The following MAN1A2 variants were observed in gnomAD, a reference collection of about 807,000 sequenced individuals.
MAN1A2 encodes mannosidase alpha class 1A member 2, also known as mannosyl-oligosaccharide 1,2-alpha-mannosidase IB.
MAN1A2 carries 26 observed loss-of-function variants against 75.7 expected under a neutral mutation model. The observed-to-expected ratio is 0.34, with a 90% CI of 0.25 to 0.48. The LOEUF is 0.48. Among genes scored for constraint, MAN1A2 ranks in the 20% least tolerant of loss-of-function variants. MAN1A2 has a pLI of 0.99. For synonymous variants in MAN1A2, 247 were observed against 264.6 expected (o/e 0.93, Z 0.65); for missense variants, 562 against 775.5 (o/e 0.72, Z 3.27).
chr1:117,449,478 G>C (rs1195215385), intron 6 of MAN1A2, among the ~76,000 whole-genome samples: 1 of 151,298 alleles, frequency 6.6e-6, no homozygotes, highest in Non-Finnish European at 1.5e-5. Context: ...AGGATTGCTT[G>C]AGCCCAGGAA....
intron 8 of MAN1A2, among the ~76,000 whole-genome samples, chr1:117,480,071 C>A (rs1031113057): frequency 4.6e-5 from 7 of 151,900 alleles, no homozygotes; most frequent in Non-Finnish European, 7.4e-5. Flanking sequence ...AAGCACCAGG[C>A]AGTGTTCCCA....
chr1:117,432,851 C>T (rs1648715988), intron 5 of MAN1A2, among the ~76,000 whole-genome samples: 2 of 149,552 alleles, frequency 1.3e-5, no homozygotes, highest in African/African-American at 4.9e-5. Context: ...ACTATTAATA[C>T]TTGTAAAGCA....
intron 12 of MAN1A2, among the ~76,000 whole-genome samples, chr1:117,519,797 G>T (rs1366372075): frequency 6.6e-6 from 1 of 152,008 alleles, no homozygotes; most frequent in Non-Finnish European, 1.5e-5. Context: ...CCGCAAGACA[G>T]AGAAAGAAGT....
intron 5 of MAN1A2, among the ~76,000 whole-genome samples, chr1:117,441,144 G>A (rs1051240958): frequency 6.6e-6 from 1 of 152,166 alleles, no homozygotes; most frequent in African/African-American, 2.4e-5. Context: ...CTTAATGAGG[G>A]ACAGAGTGAA....
chr1:117,454,827 A>G (rs1649529375), intron 6 of MAN1A2, among the ~76,000 whole-genome samples: 2 of 152,174 alleles, frequency 1.3e-5, no homozygotes. Context: ...TAGTATGGAG[A>G]CGTGAAGCCC....
intron 11 of MAN1A2, among the ~76,000 whole-genome samples, chr1:117,502,324 C>T (rs1022905105): frequency 6.6e-6 from 1 of 151,608 alleles, no homozygotes; most frequent in East Asian, 1.9e-4. Context: ...GTTGGTACCA[C>T]CTGTAATGGC....
chr1:117,414,840 A>G lies in MAN1A2; in HGVS notation c.774+9A>G, dbSNP rs778246555. The G allele has an allele frequency of 3.0e-5, 44 of 1,451,928 alleles. No homozygotes were observed. In the Middle Eastern group the frequency reaches 8.7e-4, roughly 29 times the overall value. 89.9% of individuals were successfully genotyped at this position (1,451,928 alleles called of 1,614,324 possible). A position where few individuals can be genotyped will look rare whatever the true frequency, so the allele number is the denominator to read the frequency against. ...ACCTTGATTTCAGTGTGGTGAGTGT[A>G]TGATTGATAACTAATCTCTTAGATT... On this transcript the variant is annotated intron_variant, in intron 4 of 12. Transcript: ENST00000356554.
At chr1:117,414,934 T>G in intron 4 of MAN1A2, 103 bp downstream of exon 4, 1 of 692,662 alleles carries the variant, frequency 1.4e-6, no homozygotes, top group Non-Finnish European at 2.6e-6. Flanking sequence ...ATTCATATGT[T>G]GAAACCTAAT....
chr1:117,406,257 A>G (rs1557937250), intron 3 of MAN1A2, among the ~76,000 whole-genome samples: 2 of 152,200 alleles, frequency 1.3e-5, no homozygotes, highest in South Asian at 2.1e-4. Context: ...TACTAAACCC[A>G]AAGGTAAGTC....
chr1:117,463,086 A>G (rs1649873388), intron 7 of MAN1A2, among the ~76,000 whole-genome samples: 1 of 151,180 alleles, frequency 6.6e-6, no homozygotes, highest in South Asian at 2.1e-4. Context: ...CTAAATAAAT[A>G]ATAAAAATTA....
intron 1 of MAN1A2, among the ~76,000 whole-genome samples, chr1:117,385,231 A>C (rs963292346): frequency 2.6e-5 from 4 of 152,202 alleles, no homozygotes; most frequent in African/African-American, 9.6e-5. Flanking sequence ...CCCCAGGTAG[A>C]TGAGCAGGAG....
At chr1:117,405,704 A>G in intron 3 of MAN1A2, 59 bp downstream of exon 3, 1 of 962,990 alleles carries the variant, frequency 1.0e-6, no homozygotes, top group Non-Finnish European at 1.7e-6. Flanking sequence ...TTAAAACAAG[A>G]TGTAACTTTT....
At chr1:117,459,700 G>C (rs908337199) in intron 6 of MAN1A2, among the ~76,000 whole-genome samples, 1 of 152,070 alleles carries the variant, frequency 6.6e-6, no homozygotes, top group Non-Finnish European at 1.5e-5. Context: ...GCATATTCTA[G>C]AGATTATATC....
intron 5 of MAN1A2, among the ~76,000 whole-genome samples, chr1:117,439,416 A>G (rs550822132): frequency 6.6e-6 from 1 of 152,176 alleles, no homozygotes; most frequent in African/African-American, 2.4e-5. Flanking sequence ...GAAAACAGGC[A>G]TAAGAAGCAT....
At chr1:117,401,498 A>T (rs1426708473) in intron 1 of MAN1A2, among the ~76,000 whole-genome samples, 2 of 152,160 alleles carry the variant, frequency 1.3e-5, no homozygotes, top group Non-Finnish European at 2.9e-5. Flanking sequence ...GGGAATATTG[A>T]ACTCTCTTTC....
intron 3 of MAN1A2, among the ~76,000 whole-genome samples, chr1:117,409,858 A>G (rs939945364): frequency 6.6e-6 from 1 of 152,070 alleles, no homozygotes. Flanking sequence ...CCTTATGAAC[A>G]TAGACATAAG....
chr1:117,373,684 A>G (rs1653047122), intron 1 of MAN1A2, among the ~76,000 whole-genome samples: 1 of 152,058 alleles, frequency 6.6e-6, no homozygotes, highest in South Asian at 2.1e-4. Context: ...TTGTAGAGAT[A>G]GGGTCTTACT....
At chr1:117,505,471 A>T (rs968101476) in intron 12 of MAN1A2, among the ~76,000 whole-genome samples, 1 of 151,144 alleles carries the variant, frequency 6.6e-6, no homozygotes, top group African/African-American at 2.4e-5. Flanking sequence ...TTATTTATGT[A>T]TATCTATCTA....
At chr1:117,518,153 G>A (rs963001603) in intron 12 of MAN1A2, among the ~76,000 whole-genome samples, 12 of 151,848 alleles carry the variant, frequency 7.9e-5, no homozygotes, top group African/African-American at 2.9e-4. Context: ...TTATAAAGAA[G>A]CTCGTCTGAT....
Sources: allele counts gnomAD v4.1 joint callset (sites outside exome capture counted in the v4.1 genomes callset), GRCh38; gene constraint gnomAD v4.1.1; transcripts MANE v1.5; gene names NCBI Gene and HGNC (gene_info 2026-07-23, HGNC 2026-07-21).